The following ITGB1 variants were observed in gnomAD, a reference collection of about 807,000 sequenced individuals.
ITGB1 encodes integrin beta-1.
A neutral mutation model predicts 86.5 loss-of-function variants in ITGB1; 24 were observed. The observed-to-expected ratio is 0.28, with a 90% CI of 0.20 to 0.39. ITGB1 has a LOEUF of 0.39. Ranked by LOEUF, ITGB1 falls within the 10% of genes least tolerant of loss-of-function variation. The pLI is 1.00. For synonymous variants in ITGB1, 323 were observed against 316.8 expected (o/e 1.02, Z -0.21); for missense variants, 556 against 946.9 (o/e 0.59, Z 5.42).
rs565493667 is a variant in ITGB1 at position 32,937,644 on chromosome 10, GA to G, written c.1-2087del. On this transcript the variant is annotated intron_variant, in intron 1 of 15. Coordinates refer to ENST00000302278, the MANE Select transcript of ITGB1 (RefSeq NM_002211.4). ...AGAACGTGACTTTCTCAAGGCAAAAGAAAAAAAGATGAGAAGAATATAAAAA... is the reference window on the plus strand; with the variant it reads ...AGAACGTGACTTTCTCAAGGCAAAAGAAAAAAGATGAGAAGAATATAAAAA... 3.5e-4 allele frequency among the ~76,000 whole-genome samples: 51 copies of G among 147,330 alleles called. No individual in the cohort carries two copies. In the South Asian group the frequency reaches 5.7e-3, roughly 16 times the overall value.
At chr10:32,905,126 C>T (rs984719772) in intron 15 of ITGB1, among the ~76,000 whole-genome samples, 2 of 151,138 alleles carry the variant, frequency 1.3e-5, no homozygotes, top group South Asian at 2.1e-4. Flanking sequence ...TAAGTGAGAA[C>T]GAGAAAAATA....
intron 6 of ITGB1, among the ~76,000 whole-genome samples, chr10:32,924,815 C>A (rs1350780432): frequency 6.6e-6 from 1 of 152,156 alleles, no homozygotes; most frequent in Non-Finnish European, 1.5e-5. Flanking sequence ...AAAGTAATAA[C>A]AATATAGGAA....
chr10:32,907,031 T>C, intron 15 of ITGB1: 1 of 1,155,496 alleles, frequency 8.7e-7, no homozygotes, highest in Non-Finnish European at 1.2e-6. Context: ...GAAGTTCACA[T>C]GCAAAGGCAG....
chr10:32,915,696 C>G (rs1048051313), intron 11 of ITGB1, among the ~76,000 whole-genome samples: 1 of 152,076 alleles, frequency 6.6e-6, no homozygotes, highest in Non-Finnish European at 1.5e-5. Context: ...AAAAAAAGTC[C>G]AAGACCAGAC....
At chr10:32,915,779 A>G (rs1269399455) in intron 11 of ITGB1, among the ~76,000 whole-genome samples, 1 of 152,202 alleles carries the variant, frequency 6.6e-6, no homozygotes, top group Admixed American at 6.5e-5. Context: ...ATTCCAATCA[A>G]TAGAAAAAGA....
intron 4 of ITGB1, among the ~76,000 whole-genome samples, chr10:32,928,491 A>G (rs1266359638): frequency 6.6e-6 from 1 of 152,226 alleles, no homozygotes; most frequent in African/African-American, 2.4e-5. Context: ...GATAAAAAAG[A>G]TATTCCCAAT....
At chr10:32,929,689 C>A in intron 4 of ITGB1, 133 bp downstream of exon 4, 1 of 639,870 alleles carries the variant, frequency 1.6e-6, no homozygotes, top group Non-Finnish European at 2.8e-6. Flanking sequence ...AAAATTTAAA[C>A]AATTCCACAT....
Position 32,930,018 on chromosome 10 carries a change from A to G in ITGB1, c.180T>C (p.Thr60=). The change falls in exon 4 of 16, where the codon ACT becomes ACC. Residue 60 remains threonine (T), a synonymous_variant. Transcript: ENST00000302278. ...NSTFLQEGMP[T]SARCDDLEAL... ...CTTCTAAATCATCACATCGTGCAGA[A>G]GTAGGCATTCCTTCCTGTAAAAATG... The G allele has an allele frequency of 2.2e-6, 2 of 914,048 alleles. No individual in the cohort carries two copies. Among genetic ancestry groups the G allele is most frequent in the East Asian group, 4.8e-5 (2 of 41,870 alleles). 56.6% of individuals were successfully genotyped at this position (914,048 alleles called of 1,614,324 possible).
chr10:32,923,217 G>C (rs901726637), intron 7 of ITGB1, among the ~76,000 whole-genome samples: 1 of 152,186 alleles, frequency 6.6e-6, no homozygotes, highest in Non-Finnish European at 1.5e-5. Context: ...TAAAGGCAGA[G>C]TGACTGCTTT....
intron 1 of ITGB1, among the ~76,000 whole-genome samples, chr10:32,938,055 T>C (rs1167569624): frequency 6.6e-6 from 1 of 152,234 alleles, no homozygotes; most frequent in Non-Finnish European, 1.5e-5. Context: ...CTGTTATGCC[T>C]GAGCTTGCAG....
rs2094976936 is a variant in ITGB1, at chr10:32,929,722, A to G, written c.376+100T>C. The G allele has an allele frequency of 3.4e-5, 25 of 744,430 alleles. No individual in the cohort carries two copies. In the South Asian group the frequency reaches 3.5e-4, roughly 10 times the overall value. 46.1% of individuals were successfully genotyped at this position (744,430 alleles called of 1,614,324 possible). ...CATTTTTGAGTGCCAGTCCACATGT[A>G]AAAACGAGCCTTCAACAGAAACTGG... is the stretch of plus-strand genomic sequence containing the variant. On this transcript the variant is annotated intron_variant, in intron 4 of 15. Coordinates refer to ENST00000302278, the MANE Select transcript of ITGB1 (RefSeq NM_002211.4).
At chr10:32,916,171 A>C (rs1427108193) in intron 11 of ITGB1, among the ~76,000 whole-genome samples, 1 of 152,228 alleles carries the variant, frequency 6.6e-6, no homozygotes, top group African/African-American at 2.4e-5. Flanking sequence ...CAAAATAATA[A>C]GAGCTATTTA....
intron 1 of ITGB1, chr10:32,944,833 T>C: frequency 9.2e-7 from 1 of 1,086,848 alleles, no homozygotes; most frequent in Non-Finnish European, 1.4e-6. Context: ...CTGTGGGCAC[T>C]GATGATCTGA....
chr10:32,922,694 T>G lies in ITGB1; in HGVS notation c.984A>C (p.Glu328Asp), dbSNP rs370628530. The change falls in exon 8 of 16, where the codon GAA becomes GAC. Residue 328 changes from glutamate to aspartate, a missense_variant. This residue lies in a region of ITGB1 where 330 missense variants were observed against 531.5 expected (regional missense o/e 0.62). Transcript: ENST00000302278. ...SIAHLVQKLS[E>D]NNIQTIFAVT... Reference sequence around the variant, plus strand: ...CTGCAAAAATTGTCTGAATATTATTTTCACTCAGTTTCTGGACAAGGTGAG... The same window carrying G: ...CTGCAAAAATTGTCTGAATATTATTGTCACTCAGTTTCTGGACAAGGTGAG... 1.4e-5 allele frequency: 22 copies of G among 1,606,596 alleles called. No homozygotes were observed. In the African/African-American group the frequency reaches 2.9e-4, roughly 21 times the overall value.
intron 11 of ITGB1, among the ~76,000 whole-genome samples, chr10:32,916,768 A>G (rs2094932965): frequency 6.6e-6 from 1 of 152,156 alleles, no homozygotes; most frequent in Non-Finnish European, 1.5e-5. Context: ...CATACTGCCC[A>G]AGGTAATTTA....
At chr10:32,942,863 C>T (rs1163343930) in intron 1 of ITGB1, among the ~76,000 whole-genome samples, 1 of 151,728 alleles carries the variant, frequency 6.6e-6, no homozygotes, top group African/African-American at 2.4e-5. Context: ...GATCCTGGCT[C>T]TACAAGAAAA....
intron 11 of ITGB1, among the ~76,000 whole-genome samples, chr10:32,912,675 G>A (rs992127912): frequency 4.6e-5 from 7 of 152,206 alleles, no homozygotes; most frequent in Admixed American, 2.6e-4. Context: ...AGCTAAAACT[G>A]GGTGAAGCCC....
At chr10:32,935,676 A>G in intron 1 of ITGB1, 118 bp from the exon 2 acceptor site, 1 of 714,796 alleles carries the variant, frequency 1.4e-6, no homozygotes, top group Non-Finnish European at 2.4e-6. Flanking sequence ...TGGCTCTCAA[A>G]CCATTTCACT....
chr10:32,950,856 G>A (rs1048090764), intron 1 of ITGB1, among the ~76,000 whole-genome samples: 9 of 152,240 alleles, frequency 5.9e-5, no homozygotes, highest in African/African-American at 2.2e-4. Context: ...ACAACACGGC[G>A]AGATACTTTA....
Sources: gnomAD v4.1 joint callset for allele counts (sites outside exome capture counted in the v4.1 genomes callset) on GRCh38, gnomAD v4.1.1 for gene constraint, gnomAD v4.1.1 regional missense constraint, MANE v1.5 for transcripts, NCBI Gene and HGNC (gene_info 2026-07-23, HGNC 2026-07-21) for gene names.